Variants in PPTC7 observed in about 807,000 individuals in gnomAD.
The protein encoded by PPTC7 is protein phosphatase PTC7 homolog.
PPTC7 carries 6 observed loss-of-function variants against 30.8 expected under a neutral mutation model. That is an observed-to-expected ratio of 0.19 (90% CI 0.11 to 0.38). PPTC7 has a LOEUF of 0.38. Among genes scored for constraint, PPTC7 ranks in the 10% least tolerant of loss-of-function variants. The probability of loss-of-function intolerance (pLI) is 1.00; values close to 1 mark genes in which losing one functional copy is unlikely to be tolerated. For synonymous variants in PPTC7, 163 were observed against 168.1 expected (o/e 0.97, Z 0.23); for missense variants, 218 against 404.8 (o/e 0.54, Z 3.96).
Position 110,583,123 on chromosome 12 carries a change from C to G in PPTC7, c.-92G>C. ...GGCTCTCTCCTCAGCCGCAGTCGCG[C>G]CGCCGCTGGGGCGCTCCTCAGGGCG... On this transcript the variant is annotated 5_prime_UTR_variant, in exon 1 of 6. Coordinates refer to ENST00000354300, the MANE Select transcript of PPTC7 (RefSeq NM_139283.2). 1 of 1,057,420 alleles carries G rather than the reference C, an allele frequency of 9.5e-7. No homozygotes were observed. The highest frequency in any genetic ancestry group is 3.0e-5 in the South Asian group (1 of 33,590). The allele number at this position is 1,057,420 out of a possible 1,614,324, so 65.5% of individuals were successfully genotyped here. A position where few individuals can be genotyped will look rare whatever the true frequency, so the allele number is the denominator to read the frequency against.
At chr12:110,558,623 T>C (rs1178649189) in intron 1 of PPTC7, among the ~76,000 whole-genome samples, 1 of 152,304 alleles carries the variant, frequency 6.6e-6, no homozygotes, top group African/African-American at 2.4e-5. Context: ...CCTTTAGTGT[T>C]TTTGTTTGTT....
chr12:110,550,130 A>C (rs1171078394), intron 2 of PPTC7, among the ~76,000 whole-genome samples: 1 of 152,158 alleles, frequency 6.6e-6, no homozygotes, highest in Admixed American at 6.5e-5. Context: ...AGAAGACAGC[A>C]GACTGATAAA....
chr12:110,553,622 TAAAAA>T (rs1410858281), intron 1 of PPTC7, among the ~76,000 whole-genome samples: 5 of 151,610 alleles, frequency 3.3e-5, no homozygotes. Context: ...CTACTAAAAA[TAAAAA>T]AATTAGCCAG....
chr12:110,541,700 CAA>C (rs748911395), intron 3 of PPTC7, among the ~76,000 whole-genome samples: 1,589 of 66,414 alleles, frequency 0.024, 18 homozygotes, highest in African/African-American at 0.056. Context: ...AACTCCGTCT[CAA>C]AAAAAAAAAA....
intron 1 of PPTC7, among the ~76,000 whole-genome samples, chr12:110,577,181 A>AAAAAG: frequency 6.6e-6 from 1 of 151,566 alleles, no homozygotes; most frequent in South Asian, 2.1e-4. Flanking sequence ...AAAAAAAAAA[A>AAAAAG]AAAAAAATTC....
Position 110,579,390 on chromosome 12 carries a change from C to G in PPTC7, c.223+3419G>C, listed in dbSNP as rs573117657. The stretch of plus-strand genomic sequence containing the variant: ...CATGCTTGATCTTTGTCAAACATGG[C>G]TAACAACCACCTTTTGGTCACATCA... On this transcript the variant is annotated intron_variant, in intron 1 of 5. Transcript: ENST00000354300. 1.1e-4 allele frequency among the ~76,000 whole-genome samples: 17 copies of G among 152,286 alleles called. No individual in the cohort carries two copies. In the Middle Eastern group the frequency reaches 0.017, roughly 152 times the overall value.
intron 1 of PPTC7, among the ~76,000 whole-genome samples, 194 bp downstream of exon 1, chr12:110,582,611 CCTCT>C (rs2064647728): frequency 6.6e-6 from 1 of 152,202 alleles, no homozygotes; most frequent in Admixed American, 6.5e-5. Flanking sequence ...TTAGTTTCCT[CCTCT>C]CTAAAATGGG....
chr12:110,543,825 C>T (rs2135764169), intron 3 of PPTC7, among the ~76,000 whole-genome samples: 1 of 152,310 alleles, frequency 6.6e-6, no homozygotes, highest in Middle Eastern at 3.4e-3. Flanking sequence ...TGTCTCTGGG[C>T]TCTAGGGGAA....
chr12:110,551,761 G>A (rs759041520), intron 2 of PPTC7, 28 bp downstream of exon 2: 1 of 1,596,414 alleles, frequency 6.3e-7, no homozygotes, highest in Non-Finnish European at 8.6e-7. Context: ...GGCTTCTTTA[G>A]AGGAAAACAC....
In PPTC7 at chr12:110,553,231, T is replaced by G. The variant is rs528677018; in HGVS notation, c.224-1263A>C. 5.7e-4 allele frequency among the ~76,000 whole-genome samples: 86 copies of G among 149,972 alleles called. 1 individual carries two copies. The highest frequency in any genetic ancestry group is 2.1e-3 in the African/African-American group (86 of 41,160). On this transcript the variant is annotated intron_variant, in intron 1 of 5. Coordinates refer to ENST00000354300, the MANE Select transcript of PPTC7 (RefSeq NM_139283.2). ...GGCGTGATCTCGGCTCACCGCAACCTCTCCGCCTCCTGGGTTCAAGGGATT... is the reference window on the plus strand; with the variant it reads ...GGCGTGATCTCGGCTCACCGCAACCGCTCCGCCTCCTGGGTTCAAGGGATT...
At position 110,534,579 on chromosome 12, in the gene PPTC7, A is replaced by G. The variant is rs1265195528; in HGVS notation, c.*2458T>C. The G allele has an allele frequency of 6.6e-6, 1 of 152,194 alleles. No homozygotes were observed. Among genetic ancestry groups the G allele is most frequent in the East Asian group, 1.9e-4 (1 of 5,202 alleles). 9.4% of individuals were successfully genotyped at this position (152,194 alleles called of 1,614,324 possible). The stretch of plus-strand genomic sequence containing the variant: ...AGAGTAGGAGAGATACTTGTTAAGC[A>G]GCACTCCAGCTGACCCCCCCGGCAG... On this transcript the variant is annotated 3_prime_UTR_variant, in exon 6 of 6. Coordinates refer to ENST00000354300, the MANE Select transcript of PPTC7 (RefSeq NM_139283.2).
chr12:110,560,931 C>T (rs1481635071), intron 1 of PPTC7, among the ~76,000 whole-genome samples: 1 of 152,176 alleles, frequency 6.6e-6, no homozygotes, highest in Non-Finnish European at 1.5e-5. Flanking sequence ...CATCTCCTGC[C>T]TACTAGGATG....
chr12:110,545,380 A>G (rs1032741094), intron 3 of PPTC7, among the ~76,000 whole-genome samples: 3 of 152,252 alleles, frequency 2.0e-5, no homozygotes, highest in African/African-American at 7.2e-5. Context: ...GGCGTGAGTC[A>G]CCGTGCCCAG....
chr12:110,566,154 G>T (rs1317425008), intron 1 of PPTC7, among the ~76,000 whole-genome samples: 1 of 9,930 alleles, frequency 1.0e-4, no homozygotes, highest in Non-Finnish European at 1.5e-4. Context: ...CAGAGCTTAC[G>T]GCATTTAGGA....
intron 1 of PPTC7, among the ~76,000 whole-genome samples, chr12:110,556,850 A>C (rs186342233): frequency 1.8e-4 from 28 of 152,308 alleles, no homozygotes; most frequent in African/African-American, 6.7e-4. Context: ...AGGAGGGTCA[A>C]CAGCCAGTGG....
chr12:110,582,770 A>G lies in PPTC7; in HGVS notation c.223+39T>C, dbSNP rs1212186491. 6.0e-6 allele frequency: 9 copies of G among 1,487,760 alleles called. 1 individual carries two copies. The Admixed American group carries it at 1.7e-4, about 28-fold the overall frequency. 92.2% of individuals were successfully genotyped at this position (1,487,760 alleles called of 1,614,324 possible). ...CGCGCGGGGAGTCCCCGGGAGGCGG[A>G]TCCGAGGCTGGGGCAAGGGAACCGG... is the stretch of plus-strand genomic sequence containing the variant. On this transcript the variant is annotated intron_variant, in intron 1 of 5. Coordinates refer to ENST00000354300, the MANE Select transcript of PPTC7 (RefSeq NM_139283.2).
At chr12:110,571,841 G>A (rs898416285) in intron 1 of PPTC7, among the ~76,000 whole-genome samples, 2 of 152,202 alleles carry the variant, frequency 1.3e-5, no homozygotes, top group Non-Finnish European at 2.9e-5. Context: ...AAGAGAAATG[G>A]ATTTCTAAGA....
At chr12:110,558,649 G>A (rs1342833944) in intron 1 of PPTC7, among the ~76,000 whole-genome samples, 8 of 152,180 alleles carry the variant, frequency 5.3e-5, no homozygotes, top group Admixed American at 2.0e-4. Context: ...TTTTTGAGAC[G>A]GAGTCTCGCT....
chr12:110,568,253 GT>G (rs1195913504), intron 1 of PPTC7, among the ~76,000 whole-genome samples: 5,466 of 131,962 alleles, frequency 0.041, 217 homozygotes, highest in African/African-American at 0.14. Flanking sequence ...AATCTCATGC[GT>G]TTTTTTTTTT....
Sources: gnomAD v4.1 joint callset for allele counts (sites outside exome capture counted in the v4.1 genomes callset) on GRCh38, gnomAD v4.1.1 for gene constraint, MANE v1.5 for transcripts, NCBI Gene and HGNC (gene_info 2026-07-23, HGNC 2026-07-21) for gene names.